Variants in CUX2 observed in about 807,000 individuals in gnomAD.
CUX2 encodes homeobox protein cut-like 2.
CUX2 carries 40 observed loss-of-function variants against 144.8 expected under a neutral mutation model. The ratio of observed to expected loss-of-function variants is 0.28; its 90% CI spans 0.21 to 0.36. CUX2 has a LOEUF of 0.36. Among genes scored for constraint, CUX2 ranks in the 10% least tolerant of loss-of-function variants. The pLI, the probability that CUX2 is intolerant of heterozygous loss-of-function variation, is 1.00. For missense variants in CUX2, 1,615 were observed against 1,994.0 expected (o/e 0.81, Z 3.62); for synonymous variants, 827 against 875.6 (o/e 0.94, Z 0.98).
intron 1 of CUX2, among the ~76,000 whole-genome samples, chr12:111,139,989 A>G (rs901237493): frequency 2.0e-5 from 3 of 152,166 alleles, no homozygotes; most frequent in African/African-American, 7.2e-5. Context: ...AAATGGGGAT[A>G]TAAATGAGGG....
At chr12:111,221,562 C>T (rs144173919) in intron 3 of CUX2, among the ~76,000 whole-genome samples, 2,020 of 152,206 alleles carry the variant, frequency 0.013, 58 homozygotes, top group African/African-American at 0.046. Context: ...GCCCATAAAA[C>T]GCCAGGGCAG....
chr12:111,071,759 T>C (rs550215212), intron 1 of CUX2, among the ~76,000 whole-genome samples: 2 of 152,354 alleles, frequency 1.3e-5, no homozygotes, highest in East Asian at 3.9e-4. Context: ...CATGATCCAT[T>C]TTGAGTTAAT....
chr12:111,100,201 G>C (rs1873130016), intron 1 of CUX2: 22 of 341,744 alleles, frequency 6.4e-5, no homozygotes, highest in South Asian at 5.0e-4. Context: ...GTGTGTGTGT[G>C]TATGTGTGTG....
chr12:111,125,115 C>T (rs1052961520), intron 1 of CUX2, among the ~76,000 whole-genome samples: 23 of 152,090 alleles, frequency 1.5e-4, no homozygotes, highest in African/African-American at 5.1e-4. Flanking sequence ...GAGCAACTCC[C>T]CATTCTCTCA....
At chr12:111,128,440 G>A (rs1875229957) in intron 1 of CUX2, among the ~76,000 whole-genome samples, 1 of 152,188 alleles carries the variant, frequency 6.6e-6, no homozygotes, top group African/African-American at 2.4e-5. Context: ...GGAGAGAGAA[G>A]GCAGTGCAGC....
In CUX2 at chr12:111,246,789, G is replaced by A. The variant is rs751251797; in HGVS notation, c.223-16972G>A. On this transcript the variant is annotated intron_variant, in intron 3 of 21. Transcript: ENST00000261726. The surrounding 1 kb of genome is among the most constrained non-coding windows in gnomAD (Gnocchi z 4.0). ...GTTGAATCAACGGCCTGCCTCTCTTGTGTGAGCCTGTGCCTCTTCCTCCTT... is the reference window on the plus strand; with the variant it reads ...GTTGAATCAACGGCCTGCCTCTCTTATGTGAGCCTGTGCCTCTTCCTCCTT... Among the ~76,000 whole-genome samples, 5 of 152,090 alleles carry A rather than the reference G, an allele frequency of 3.3e-5. No individual in the cohort carries two copies. Among genetic ancestry groups the A allele is most frequent in the Admixed American group, 3.3e-4 (5 of 15,264 alleles).
intron 18 of CUX2, among the ~76,000 whole-genome samples, chr12:111,333,767 G>C (rs987420113): frequency 1.3e-5 from 2 of 152,164 alleles, no homozygotes; most frequent in African/African-American, 4.8e-5. Flanking sequence ...GCTGACGCAG[G>C]AGAATCGCTT....
intron 1 of CUX2, among the ~76,000 whole-genome samples, chr12:111,141,666 G>A (rs1876326150): frequency 6.6e-6 from 1 of 152,186 alleles, no homozygotes; most frequent in South Asian, 2.1e-4. Context: ...CAATTTTAAA[G>A]CCTAGATGCT....
At chr12:111,226,234 A>G (rs1882136322) in intron 3 of CUX2, among the ~76,000 whole-genome samples, 1 of 152,118 alleles carries the variant, frequency 6.6e-6, no homozygotes, top group Non-Finnish European at 1.5e-5. Context: ...GTGAGCCATC[A>G]CACCTGGCCT....
chr12:111,115,585 A>G (rs1395495420), intron 1 of CUX2, among the ~76,000 whole-genome samples: 1 of 152,008 alleles, frequency 6.6e-6, no homozygotes, highest in African/African-American at 2.4e-5. Context: ...TGAATCTTCC[A>G]ATCTATGAAC....
chr12:111,341,976 G>C lies in CUX2; in HGVS notation c.3582G>C (p.Ser1194=), dbSNP rs199568145. The change falls in exon 21 of 22, where the codon TCG becomes TCC. Residue 1194 remains serine (S), a synonymous_variant. Transcript: ENST00000261726. ...CCTATCAGCTGGAACCCTACCCCTC[G>C]CAGCAGACCATCGAGCTCCTCTCCT... is the stretch of plus-strand genomic sequence containing the variant. ...RKAYQLEPYP[S]QQTIELLSFQ... 6.2e-7 allele frequency: 1 copy of C among 1,613,950 alleles called. No individual in the cohort carries two copies. The highest frequency in any genetic ancestry group is 8.5e-7 in the Non-Finnish European group (1 of 1,180,022).
intron 2 of CUX2, among the ~76,000 whole-genome samples, chr12:111,216,019 G>A (rs904474007): frequency 2.6e-5 from 4 of 152,218 alleles, no homozygotes; most frequent in Non-Finnish European, 5.9e-5. Context: ...AGAAAGTCAC[G>A]CCGAGGCTTT....
intron 4 of CUX2, among the ~76,000 whole-genome samples, chr12:111,282,886 G>A (rs1003178747): frequency 2.0e-5 from 3 of 152,020 alleles, no homozygotes; most frequent in Non-Finnish European, 2.9e-5. Context: ...ACCAAAGGCT[G>A]TTCAGAAAGT....
At chr12:111,245,823 G>A (rs1883253850) in intron 3 of CUX2, among the ~76,000 whole-genome samples, 3 of 152,012 alleles carry the variant, frequency 2.0e-5, no homozygotes, top group Non-Finnish European at 4.4e-5. Context: ...CAGAAAAGTA[G>A]GACCAGGGTG....
rs1205642597 is a variant in CUX2 at position 111,277,280 on chromosome 12, C to A, written c.301+13441C>A. On this transcript the variant is annotated intron_variant, in intron 4 of 21. Transcript: ENST00000261726. The surrounding 1 kb of genome is among the most constrained non-coding windows in gnomAD (Gnocchi z 5.0). ...AGATTGGCACTGGGCGTCCCCTGGG[C>A]CAGCCCCACATCCCCATCTGTGAAA... 2.0e-5 allele frequency among the ~76,000 whole-genome samples: 3 copies of A among 152,162 alleles called. No homozygotes were observed. Among genetic ancestry groups the A allele is most frequent in the Non-Finnish European group, 2.9e-5 (2 of 68,026 alleles).
intron 1 of CUX2, among the ~76,000 whole-genome samples, chr12:111,199,576 T>C (rs1364066316): frequency 2.0e-5 from 3 of 152,054 alleles, no homozygotes; most frequent in Non-Finnish European, 4.4e-5. Context: ...ATGAGATGGG[T>C]GGAGAGAAGG....
In CUX2 at chr12:111,039,577, C is replaced by T. The variant is rs968545405; in HGVS notation, c.63+5337C>T. Among the ~76,000 whole-genome samples the T allele has an allele frequency of 2.0e-5, 3 of 152,154 alleles. No individual in the cohort carries two copies. Among genetic ancestry groups the T allele is most frequent in the African/African-American group, 4.8e-5 (2 of 41,414 alleles). The stretch of plus-strand genomic sequence containing the variant: ...TTTTTGTTTTTTCAAGATGGAGTCT[C>T]GCTCTGCCACCCAGGCTGGAGTGCA... On this transcript the variant is annotated intron_variant, in intron 1 of 21. Coordinates refer to ENST00000261726, the MANE Select transcript of CUX2 (RefSeq NM_015267.4). The surrounding 1 kb of genome is among the most constrained non-coding windows in gnomAD (Gnocchi z 4.2).
rs543015323 is a variant in CUX2, at chr12:111,126,274, A to G, written c.64-87926A>G. Among the ~76,000 whole-genome samples, 6 of 151,982 alleles carry G rather than the reference A, an allele frequency of 3.9e-5. No homozygotes were observed. In the South Asian group the frequency reaches 1.2e-3, roughly 32 times the overall value. On this transcript the variant is annotated intron_variant, in intron 1 of 21. Transcript: ENST00000261726. ...CAGGCATGTGCTACCATCCCTGGCTAATTTTTATATTTTCAGTAGAGACGG... is the reference window on the plus strand; with the variant it reads ...CAGGCATGTGCTACCATCCCTGGCTGATTTTTATATTTTCAGTAGAGACGG...
intron 1 of CUX2, among the ~76,000 whole-genome samples, chr12:111,090,901 A>G (rs887545116): frequency 4.6e-5 from 7 of 152,002 alleles, no homozygotes; most frequent in Admixed American, 1.3e-4. Context: ...AAACAATGCC[A>G]TCACCAAACA....
Sources: allele counts gnomAD v4.1 joint callset (sites outside exome capture counted in the v4.1 genomes callset), GRCh38; gene constraint gnomAD v4.1.1; non-coding constraint Gnocchi (gnomAD v3.1); transcripts MANE v1.5; gene names NCBI Gene and HGNC (gene_info 2026-07-23, HGNC 2026-07-21).